Variants in CFAP46 observed in about 807,000 individuals in gnomAD.
CFAP46 encodes cilia- and flagella-associated protein 46.
CFAP46 carries 245 observed loss-of-function variants against 325.7 expected under a neutral mutation model. The ratio of observed to expected loss-of-function variants is 0.75; its 90% confidence interval spans 0.68 to 0.84. The LOEUF (loss-of-function observed/expected upper bound fraction) is 0.84. CFAP46 is among the 40% of genes least tolerant of loss of function. The pLI is 0.00. For missense variants in CFAP46, 3,346 were observed against 3,543.0 expected (o/e 0.94, Z 1.41); for synonymous variants, 1,523 against 1,495.9 (o/e 1.02, Z -0.42).
chr10:132,814,520 C>T (rs535563782), intron 53 of CFAP46, 57 bp downstream of exon 53: 105 of 1,544,218 alleles, frequency 6.8e-5, no homozygotes, highest in Admixed American at 5.7e-4. Flanking sequence ...AACTGCAGGA[C>T]GGCAGGAGGC....
At chr10:132,923,998 G>A (rs548798921) in intron 11 of CFAP46, among the ~76,000 whole-genome samples, 11 of 152,262 alleles carry the variant, frequency 7.2e-5, no homozygotes, top group East Asian at 1.9e-4. Flanking sequence ...CAGACAGGGA[G>A]CGGGGGCTGA....
At chr10:132,938,782 C>A (rs776606733) in intron 4 of CFAP46, 29 bp from the exon 5 acceptor site, 2 of 1,600,384 alleles carry the variant, frequency 1.2e-6, no homozygotes, top group South Asian at 2.2e-5. Flanking sequence ...AAGCAGAGAG[C>A]ACGCTCAAAG....
At chr10:132,920,630 C>T (rs901932782) in intron 13 of CFAP46, among the ~76,000 whole-genome samples, 7 of 152,230 alleles carry the variant, frequency 4.6e-5, no homozygotes, top group African/African-American at 1.4e-4. Flanking sequence ...CACGAGCACC[C>T]GGAACTCAGC....
intron 50 of CFAP46, among the ~76,000 whole-genome samples, chr10:132,821,530 G>A (rs1008272878): frequency 1.5e-5 from 2 of 137,600 alleles, no homozygotes; most frequent in South Asian, 4.9e-4. Context: ...GTGTGCTGAT[G>A]TGTGCTGATG....
intron 11 of CFAP46, among the ~76,000 whole-genome samples, chr10:132,923,307 C>T (rs11146041): frequency 0.16 from 11,963 of 76,402 alleles, 308 homozygotes; most frequent in Admixed American, 0.2. Flanking sequence ...CCCCTGGCCT[C>T]GAGCAGCCAT....
At chr10:132,915,336 G>A (rs116572300) in intron 17 of CFAP46, among the ~76,000 whole-genome samples, 132 of 152,360 alleles carry the variant, frequency 8.7e-4, no homozygotes, top group African/African-American at 2.8e-3. Flanking sequence ...CTGGAGGCCC[G>A]GGGTGGGCCT....
intron 37 of CFAP46, among the ~76,000 whole-genome samples, chr10:132,859,965 G>C (rs944231301): frequency 6.6e-6 from 1 of 152,234 alleles, no homozygotes; most frequent in Non-Finnish European, 1.5e-5. Context: ...TGAGGCAGGA[G>C]AATCACTTGA....
In CFAP46 at chr10:132,922,475, G is replaced by T; in HGVS notation, c.1485+5C>A. ...CCAGCCTCCCTCACTTCCCCGGGGC[G>T]GCACCTGCTCAACGGCCATGATGGC... On this transcript the variant is annotated splice_donor_5th_base_variant and intron_variant, in intron 12 of 57. Coordinates refer to ENST00000368586, the MANE Select transcript of CFAP46 (RefSeq NM_001200049.3). 2 of 1,528,804 alleles carry T rather than the reference G, an allele frequency of 1.3e-6. No individual in the cohort carries two copies. Among genetic ancestry groups the T allele is most frequent in the South Asian group, 2.4e-5 (2 of 83,424 alleles). 94.7% of individuals were successfully genotyped at this position (1,528,804 alleles called of 1,614,324 possible).
chr10:132,818,521 C>T (rs143913476), intron 50 of CFAP46, among the ~76,000 whole-genome samples: 2,113 of 152,200 alleles, frequency 0.014, 20 homozygotes, highest in South Asian at 0.045. Context: ...ACTATTTAAA[C>T]AGCGCTGGAA....
In CFAP46 at chr10:132,941,081, A is replaced by G. The variant is rs111979019; in HGVS notation, c.307-21T>C. ...TCCTCCTAAGGCAACATAAAGAAGC[A>G]CAATTAGACCGAAATACTGACCCCT... On this transcript the variant is annotated intron_variant, in intron 3 of 57. Transcript: ENST00000368586. 1.7e-3 allele frequency: 2,819 copies of G among 1,613,710 alleles called. 52 individuals are homozygous for G. The African/African-American group carries it at 0.034, about 20-fold the overall frequency.
chr10:132,834,650 G>A lies in CFAP46; in HGVS notation c.6866+4C>T, dbSNP rs1237667795. On this transcript the variant is annotated splice_donor_region_variant and intron_variant, in intron 48 of 57. Coordinates refer to ENST00000368586, the MANE Select transcript of CFAP46 (RefSeq NM_001200049.3). ...GGTGCCAGCCTCAACGTCATCCCCA[G>A]TACCTGGCCTTGGAGAGGCTGAGCA... is the stretch of plus-strand genomic sequence containing the variant. 2 of 1,613,196 alleles carry A rather than the reference G, an allele frequency of 1.2e-6. No individual in the cohort carries two copies. The highest frequency in any genetic ancestry group is 2.2e-5 in the South Asian group (2 of 91,020).
In CFAP46 at chr10:132,822,525, CGT is replaced by C. The variant is rs1486020026; in HGVS notation, c.7118-7613_7118-7612del. 5.3e-5 allele frequency among the ~76,000 whole-genome samples: 4 copies of C among 75,284 alleles called. No individual in the cohort carries two copies. The East Asian group carries it at 1.9e-3, about 35-fold the overall frequency. The allele number at this position is 75,284 out of a possible 152,430, so 49.4% of individuals were successfully genotyped here. A position where few individuals can be genotyped will look rare whatever the true frequency, so the allele number is the denominator to read the frequency against. On this transcript the variant is annotated intron_variant, in intron 50 of 57. Coordinates refer to ENST00000368586, the MANE Select transcript of CFAP46 (RefSeq NM_001200049.3). ...TGTGCTGTGTGCTGATGTGTGCTGA[CGT>C]GTGCTGTGTGCTGACGTGTGCTGTG...
At position 132,833,502 on chromosome 10, in the gene CFAP46, CG is replaced by C. The variant is rs764661647; in HGVS notation, c.6972del (p.Asp2325IlefsTer3). The C allele has an allele frequency of 1.9e-6, 3 of 1,614,006 alleles. No homozygotes were observed. On this transcript the variant is annotated frameshift_variant, in exon 50 of 58. Coordinates refer to ENST00000368586, the MANE Select transcript of CFAP46 (RefSeq NM_001200049.3). LOFTEE classifies it high-confidence loss of function. ...CTGTCTGCGACCAGGACTATCTTAT[CG>C]GCAACCTCAGGCTGGACTGTGCCTG... ...GQHSTVQPEV[A>X]DKIVLVADRH... is the part of the protein sequence containing the mutation.
At chr10:132,836,795 C>T in intron 45 of CFAP46, 22 bp downstream of exon 45, 1 of 1,606,892 alleles carries the variant, frequency 6.2e-7, no homozygotes. Context: ...GGGGCGGCCT[C>T]AACAAGAAGG....
At position 132,808,666 on chromosome 10, in the gene CFAP46, G is replaced by C. The variant is rs773160434; in HGVS notation, c.7903C>G (p.Pro2635Ala). 6.3e-7 allele frequency: 1 copy of C among 1,587,192 alleles called. No individual in the cohort carries two copies. The highest frequency in any genetic ancestry group is 1.1e-5 in the South Asian group (1 of 89,022). ...APIPSSQLAL[P>A]FLGLSPALGA... ...AGGGCTGGGGAGAGGCCCAGGAAGG[G>C]GAGAGCGAGCTGGGAGCTGGGGATG... Residue 2635 changes from proline (P) to alanine (A), a missense_variant, in exon 58 of 58, where the codon CCC becomes GCC. Coordinates refer to ENST00000368586, the MANE Select transcript of CFAP46 (RefSeq NM_001200049.3). The surrounding 1 kb of genome is among the most constrained non-coding windows in gnomAD (Gnocchi z 6.8).
rs139133743 is a variant in CFAP46, at chr10:132,851,266, G to A, written c.5614C>T (p.Arg1872Cys). 3.3e-4 allele frequency: 534 copies of A among 1,614,022 alleles called. 15 individuals are homozygous for A. The South Asian group carries it at 4.3e-3, about 13-fold the overall frequency. Residue 1872 changes from arginine to cysteine, a missense_variant, in exon 40 of 58, where the codon CGC (arginine) becomes TGC (cysteine). Coordinates refer to ENST00000368586, the MANE Select transcript of CFAP46 (RefSeq NM_001200049.3). ...VNTPLMRKLA[R>C]LKLGLVEMAL... Reference sequence around the variant, plus strand: ...ATTTCCACGAGGCCGAGCTTGAGGCGCGCCAGCTTCCTCATCAGGGGCGTG... The same window carrying A: ...ATTTCCACGAGGCCGAGCTTGAGGCACGCCAGCTTCCTCATCAGGGGCGTG...
chr10:132,898,776 G>A, intron 24 of CFAP46, 183 bp downstream of exon 24: 1 of 788,838 alleles, frequency 1.3e-6, no homozygotes, highest in Non-Finnish European at 2.1e-6. Context: ...GAGTCCAGCA[G>A]GGGCCCCCGC....
At chr10:132,905,876 G>C (rs899750550) in intron 22 of CFAP46, among the ~76,000 whole-genome samples, 38 of 152,248 alleles carry the variant, frequency 2.5e-4, no homozygotes, top group African/African-American at 9.2e-4. Context: ...GAGCTGCAGG[G>C]CTGGGGACGC....
chr10:132,852,452 C>T (rs566545279), intron 39 of CFAP46, among the ~76,000 whole-genome samples: 45 of 150,420 alleles, frequency 3.0e-4, no homozygotes, highest in African/African-American at 9.1e-4. Flanking sequence ...TCCTGATCCA[C>T]AGACGTGGTA....
Sources: allele counts gnomAD v4.1 joint callset (sites outside exome capture counted in the v4.1 genomes callset), GRCh38; gene constraint gnomAD v4.1.1; non-coding constraint Gnocchi (gnomAD v3.1); transcripts MANE v1.5; gene names NCBI Gene and HGNC (gene_info 2026-07-23, HGNC 2026-07-21).